TEX2: variants seen among roughly 807,000 people sequenced by gnomAD.
TEX2 encodes the protein testis expressed 2.
Under a neutral mutation model 106.9 loss-of-function variants are expected in TEX2, and 53 were observed. The observed-to-expected ratio is 0.50, with a 90% CI of 0.40 to 0.62. TEX2 has a LOEUF of 0.62. Among genes scored for constraint, TEX2 ranks in the 20% least tolerant of loss-of-function variants. The pLI is 0.00. For synonymous variants in TEX2, 523 were observed against 534.8 expected (o/e 0.98, Z 0.30); for missense variants, 1,207 against 1,379.0 (o/e 0.88, Z 1.98).
Position 64,213,079 on chromosome 17 carries a change from A to C in TEX2, c.1139T>G (p.Ile380Arg), listed in dbSNP as rs150703362. 1.5e-5 allele frequency: 24 copies of C among 1,614,054 alleles called. No individual in the cohort carries two copies. In the East Asian group the frequency reaches 1.6e-4, roughly 10 times the overall value. The change falls in exon 2 of 12, where the codon ATA (isoleucine) becomes AGA (arginine). Residue 380 changes from isoleucine (I) to arginine (R), a missense_variant. Coordinates refer to ENST00000584379, the MANE Select transcript of TEX2 (RefSeq NM_001288732.2). This position sits in a 1 kb window ranked among gnomAD's most constrained non-coding sequence, Gnocchi z 4.4. ...GCTCCCCTGGGAACTTTTCAGTTCT[A>C]TCTCTCTTGTGGGCTCACCAGTGGA... ...PKSTGEPTRE[I>R]ELKSSQGSSL...
chr17:64,165,616 G>A (rs2031098258), intron 7 of TEX2, among the ~76,000 whole-genome samples: 1 of 152,214 alleles, frequency 6.6e-6, no homozygotes, highest in Non-Finnish European at 1.5e-5. Flanking sequence ...CAGGAGGAGT[G>A]GGCAAGTCAT....
At chr17:64,201,025 T>C (rs1246193579) in intron 2 of TEX2, among the ~76,000 whole-genome samples, 15 of 152,304 alleles carry the variant, frequency 9.8e-5, no homozygotes, top group Middle Eastern at 3.4e-3. Flanking sequence ...GGATTTGAAT[T>C]ACACATTTAT....
intron 4 of TEX2, among the ~76,000 whole-genome samples, chr17:64,191,291 C>T (rs1418534615): frequency 2.0e-5 from 3 of 152,104 alleles, no homozygotes; most frequent in Admixed American, 2.0e-4. Flanking sequence ...AAATTGAACT[C>T]GTTAAAAATA....
intron 6 of TEX2, among the ~76,000 whole-genome samples, chr17:64,174,536 G>T (rs1160748317): frequency 2.0e-5 from 3 of 152,134 alleles, no homozygotes; most frequent in Admixed American, 2.0e-4. Context: ...GCCTTCTTCT[G>T]TTAAGGTCAT....
At chr17:64,237,879 T>C (rs1208792552) in intron 1 of TEX2, among the ~76,000 whole-genome samples, 1 of 152,194 alleles carries the variant, frequency 6.6e-6, no homozygotes, top group African/African-American at 2.4e-5. Context: ...TCCACCCAGA[T>C]AGGAGACTAA....
At chr17:64,184,993 G>T (rs184588861) in intron 5 of TEX2, among the ~76,000 whole-genome samples, 2 of 152,216 alleles carry the variant, frequency 1.3e-5, no homozygotes, top group Non-Finnish European at 2.9e-5. Context: ...TACTTTGTGG[G>T]GGTAGCAAGG....
intron 5 of TEX2, among the ~76,000 whole-genome samples, chr17:64,187,423 C>T (rs1377748025): frequency 3.3e-5 from 5 of 152,094 alleles, no homozygotes; most frequent in Admixed American, 1.3e-4. Context: ...ATCCAGCCAG[C>T]GCCTCCTGCC....
At chr17:64,164,455 A>C (rs541013512) in intron 7 of TEX2, among the ~76,000 whole-genome samples, 1 of 151,470 alleles carries the variant, frequency 6.6e-6, no homozygotes, top group South Asian at 2.1e-4. Context: ...AAACCCTGGC[A>C]CTTCATGCAG....
Position 64,213,270 on chromosome 17 carries a change from A to G in TEX2, c.948T>C (p.His316=). 4 of 1,614,178 alleles carry G rather than the reference A, an allele frequency of 2.5e-6. No individual in the cohort carries two copies. Among genetic ancestry groups the G allele is most frequent in the Non-Finnish European group, 3.4e-6 (4 of 1,180,038 alleles). ...CACTTGAAGATAAGGCTTTGGGCCT[A>G]TGGCTGCCACTTTCTTCCCCTATAA... The part of the protein sequence containing the change: ...SKIIGEESGS[H]RPKALSSSAS... Residue 316 remains histidine (H), a synonymous_variant, in exon 2 of 12, where the codon CAT becomes CAC. Transcript: ENST00000584379. This position sits in a 1 kb window ranked among gnomAD's most constrained non-coding sequence, Gnocchi z 4.4.
chr17:64,159,395 T>C (rs1295325932), intron 8 of TEX2, among the ~76,000 whole-genome samples: 1 of 152,160 alleles, frequency 6.6e-6, no homozygotes. Context: ...GAGCTAGATT[T>C]AATGTGCTCA....
chr17:64,228,608 G>C (rs567858209), intron 1 of TEX2, among the ~76,000 whole-genome samples: 1 of 152,156 alleles, frequency 6.6e-6, no homozygotes, highest in Non-Finnish European at 1.5e-5. Context: ...GCAGTCATGC[G>C]AGGGATGGAA....
chr17:64,151,243 G>GC (rs1469043251), intron 10 of TEX2, among the ~76,000 whole-genome samples: 1 of 151,994 alleles, frequency 6.6e-6, no homozygotes, highest in Non-Finnish European at 1.5e-5. Flanking sequence ...ATTGGTTTCT[G>GC]TTTTTTTCTA....
chr17:64,193,412 T>A (rs2032363256), intron 4 of TEX2, 147 bp downstream of exon 4: 1 of 573,402 alleles, frequency 1.7e-6, no homozygotes, highest in Middle Eastern at 2.7e-4. Context: ...AGATGGTAAA[T>A]GAGTCATGAG....
At chr17:64,249,177 G>A (rs1443698357) in intron 1 of TEX2, among the ~76,000 whole-genome samples, 4 of 152,120 alleles carry the variant, frequency 2.6e-5, no homozygotes, top group African/African-American at 9.7e-5. Context: ...GTATAAATGA[G>A]CTCCTAAAAC....
chr17:64,193,008 C>T (rs1323205712), intron 4 of TEX2, among the ~76,000 whole-genome samples: 1 of 152,206 alleles, frequency 6.6e-6, no homozygotes, highest in Non-Finnish European at 1.5e-5. Flanking sequence ...ACAGGCACAA[C>T]ACCTGAAGGA....
intron 7 of TEX2, among the ~76,000 whole-genome samples, chr17:64,166,180 A>G (rs969621614): frequency 1.3e-5 from 2 of 152,188 alleles, no homozygotes; most frequent in Non-Finnish European, 2.9e-5. Flanking sequence ...TTTTATTAAT[A>G]CTAACACAGT....
At chr17:64,160,960 G>GT (rs748191608) in intron 7 of TEX2, 27 bp from the exon 8 acceptor site, 7 of 1,597,962 alleles carry the variant, frequency 4.4e-6, no homozygotes, top group South Asian at 3.4e-5. Flanking sequence ...AAAACAGAAG[G>GT]TTTTTTTCCC....
intron 7 of TEX2, among the ~76,000 whole-genome samples, chr17:64,161,856 T>C (rs1191381569): frequency 1.3e-5 from 2 of 152,146 alleles, no homozygotes; most frequent in African/African-American, 4.8e-5. Flanking sequence ...TAAACTTTTA[T>C]AGATCCTCAC....
chr17:64,197,006 T>TG (rs2032495830), intron 2 of TEX2, among the ~76,000 whole-genome samples: 1 of 147,374 alleles, frequency 6.8e-6, no homozygotes, highest in African/African-American at 2.5e-5. Flanking sequence ...TTTTTTTTTT[T>TG]GGAGAGCCAG....
Sources: gnomAD v4.1 joint callset for allele counts (sites outside exome capture counted in the v4.1 genomes callset) on GRCh38, gnomAD v4.1.1 for gene constraint, Gnocchi (gnomAD v3.1) non-coding constraint, MANE v1.5 for transcripts, NCBI Gene and HGNC (gene_info 2026-07-23, HGNC 2026-07-21) for gene names.